GALNT13: variants seen among roughly 807,000 people sequenced by gnomAD.
GALNT13 encodes the protein polypeptide N-acetylgalactosaminyltransferase 13, also known as UDP-GalNAc:polypeptide N-acetylgalactosaminyltransferase 13.
Under a neutral mutation model 64.2 loss-of-function variants are expected in GALNT13, and 28 were observed. The observed-to-expected ratio is 0.44, with a 90% CI of 0.32 to 0.60. The LOEUF is 0.60. Ranked by LOEUF, GALNT13 falls within the 20% of genes least tolerant of loss-of-function variation. GALNT13 has a pLI of 0.05. For missense variants in GALNT13, 577 were observed against 669.8 expected, an observed-to-expected ratio of 0.86 and a Z score of 1.53; for synonymous variants, 214 against 224.6, an observed-to-expected ratio of 0.95 and a Z score of 0.42.
the GALNT13 span, among the ~76,000 whole-genome samples, chr2:153,621,082 A>G: frequency 6.6e-6 from 1 of 151,350 alleles, no homozygotes; most frequent in Admixed American, 6.6e-5. Flanking sequence ...AGACTCTTGT[A>G]CTCTTCTTGT....
At chr2:154,326,136 G>T (rs1237165528) in intron 9 of GALNT13, among the ~76,000 whole-genome samples, 1 of 152,068 alleles carries the variant, frequency 6.6e-6, no homozygotes, top group African/African-American at 2.4e-5. Flanking sequence ...GGTGATTCTT[G>T]TGGACAGTTG....
chr2:153,278,169 G>A, the GALNT13 span, among the ~76,000 whole-genome samples: 4,338 of 151,834 alleles, frequency 0.029, 206 homozygotes, highest in African/African-American at 0.098. Context: ...TCCTGACCTC[G>A]TGATCTGTCC....
intron 10 of GALNT13, among the ~76,000 whole-genome samples, chr2:154,396,955 A>AATAT (rs1699083092): frequency 6.7e-6 from 1 of 149,946 alleles, no homozygotes; most frequent in South Asian, 2.1e-4. Flanking sequence ...AATTATATAT[A>AATAT]ATATATTCCT....
intron 8 of GALNT13, among the ~76,000 whole-genome samples, chr2:154,275,221 T>C (rs1691577380): frequency 6.6e-6 from 1 of 152,102 alleles, no homozygotes; most frequent in Non-Finnish European, 1.5e-5. Flanking sequence ...TTGCAGAAAT[T>C]TGCATAAGTA....
the GALNT13 span, among the ~76,000 whole-genome samples, chr2:153,350,384 C>CTTTT: frequency 0.037 from 4,762 of 129,862 alleles, 369 homozygotes; most frequent in African/African-American, 0.13. Flanking sequence ...TTCTTTCTTT[C>CTTTT]TTTTTTTTTT....
chr2:153,163,537 C>G, the GALNT13 span, among the ~76,000 whole-genome samples: 421 of 152,282 alleles, frequency 2.8e-3, 5 homozygotes, highest in Admixed American at 0.016. Flanking sequence ...ACTAAGCTCT[C>G]AACCCTCAGA....
the GALNT13 span, among the ~76,000 whole-genome samples, chr2:153,529,840 G>A: frequency 6.6e-6 from 1 of 151,950 alleles, no homozygotes; most frequent in Non-Finnish European, 1.5e-5. Flanking sequence ...AAAAGCATTT[G>A]AAAAGTTAAA....
chr2:153,615,411 A>G, the GALNT13 span, among the ~76,000 whole-genome samples: 18 of 152,102 alleles, frequency 1.2e-4, no homozygotes. Flanking sequence ...TTCCTGGATC[A>G]TATGGTAGCT....
chr2:154,278,420 A>G (rs1165155098), intron 8 of GALNT13, among the ~76,000 whole-genome samples: 2 of 152,206 alleles, frequency 1.3e-5, no homozygotes, highest in East Asian at 3.8e-4. Context: ...ATGGAAAGTT[A>G]AAGATGTACC....
the GALNT13 span, among the ~76,000 whole-genome samples, chr2:153,396,342 A>G: frequency 1.3e-5 from 2 of 152,100 alleles, no homozygotes; most frequent in African/African-American, 4.8e-5. Flanking sequence ...TAGTTTACCT[A>G]TTAAATGGGA....
chr2:154,371,095 G>T (rs575360469), intron 9 of GALNT13, among the ~76,000 whole-genome samples: 8 of 152,222 alleles, frequency 5.3e-5, no homozygotes, highest in Non-Finnish European at 7.4e-5. Context: ...TATGAGATCA[G>T]GTTACATGGG....
At chr2:153,253,547 A>C in the GALNT13 span, among the ~76,000 whole-genome samples, 4 of 148,000 alleles carry the variant, frequency 2.7e-5, no homozygotes, top group Admixed American at 2.0e-4. Context: ...GTCTTGTGCC[A>C]GTTTTCAAAG....
chr2:153,632,403 G>T, the GALNT13 span, among the ~76,000 whole-genome samples: 8 of 152,190 alleles, frequency 5.3e-5, no homozygotes, highest in Non-Finnish European at 8.8e-5. Flanking sequence ...ATTCCTTTGT[G>T]TGGTGGGGTT....
At chr2:153,689,418 TA>T in the GALNT13 span, among the ~76,000 whole-genome samples, 1 of 152,188 alleles carries the variant, frequency 6.6e-6, no homozygotes, top group Admixed American at 6.6e-5. Flanking sequence ...ATTCTAGACA[TA>T]AGTACTTTGC....
the GALNT13 span, among the ~76,000 whole-genome samples, chr2:153,322,119 G>A: frequency 0.11 from 15,991 of 151,814 alleles, 1,014 homozygotes; most frequent in African/African-American, 0.17. Context: ...GATTACAAAT[G>A]GCCGAGGTAC....
At chr2:153,533,048 CGATTCTCTTT>C in the GALNT13 span, among the ~76,000 whole-genome samples, 1 of 151,982 alleles carries the variant, frequency 6.6e-6, no homozygotes, top group Non-Finnish European at 1.5e-5. Flanking sequence ...TGTGGGTATT[CGATTCTCTTT>C]TTGCTTGAAT....
the GALNT13 span, among the ~76,000 whole-genome samples, chr2:153,361,409 A>T: frequency 6.6e-6 from 1 of 152,082 alleles, no homozygotes; most frequent in Non-Finnish European, 1.5e-5. Context: ...GTGGGTAATA[A>T]ATAACAAATT....
chr2:153,958,809 T>G (rs1692747098), intron 3 of GALNT13, among the ~76,000 whole-genome samples: 1 of 152,006 alleles, frequency 6.6e-6, no homozygotes, highest in Admixed American at 6.5e-5. Flanking sequence ...AACAAATGGC[T>G]GTGGAAGAGA....
chr2:153,527,199 A>G, the GALNT13 span, among the ~76,000 whole-genome samples: 582 of 152,246 alleles, frequency 3.8e-3, 1 homozygote, highest in Middle Eastern at 0.017. Flanking sequence ...AAGGTTATAT[A>G]ACACCAAGCA....
Sources: gnomAD v4.1 joint callset for allele counts (sites outside exome capture counted in the v4.1 genomes callset) on GRCh38, gnomAD v4.1.1 for gene constraint, MANE v1.5 for transcripts, NCBI Gene and HGNC (gene_info 2026-07-23, HGNC 2026-07-21) for gene names.